Variants in ZNF518A observed in about 807,000 individuals in gnomAD.
ZNF518A encodes the protein zinc finger protein 518A, also known as zinc finger protein 518.
A neutral mutation model predicts 102.7 loss-of-function variants in ZNF518A; 47 were observed. The ratio of observed to expected loss-of-function variants is 0.46; its 90% CI spans 0.36 to 0.58. ZNF518A has a LOEUF of 0.58. Among genes scored for constraint, ZNF518A ranks in the 20% least tolerant of loss-of-function variants. The pLI, the probability that ZNF518A is intolerant of heterozygous loss-of-function variation, is 0.00. For missense variants in ZNF518A, 1,793 were observed against 1,699.8 expected, an observed-to-expected ratio of 1.05 and a Z score of -0.96; for synonymous variants, 652 against 594.6, an observed-to-expected ratio of 1.10 and a Z score of -1.40.
chr10:96,141,334 G>T (rs1390390798), intron 3 of ZNF518A, among the ~76,000 whole-genome samples: 5 of 152,190 alleles, frequency 3.3e-5, no homozygotes, highest in African/African-American at 1.2e-4. Flanking sequence ...AGTGTGTATT[G>T]TAAAAGGTTA....
intron 1 of ZNF518A, among the ~76,000 whole-genome samples, chr10:96,193,639 T>C (rs2083384247): frequency 1.3e-5 from 2 of 152,216 alleles, no homozygotes; most frequent in African/African-American, 4.8e-5. Context: ...TTTTTATTAA[T>C]TCAGTGTATT....
chr10:96,189,772 C>G lies in ZNF518A; in HGVS notation n.36-13802C>G. Reference sequence around the variant, plus strand: ...AAGTTTTACTTTTATTCTCTGGAATCTTGCTACCACCTCCAGGGACAGATC... The same window carrying G: ...AAGTTTTACTTTTATTCTCTGGAATGTTGCTACCACCTCCAGGGACAGATC... On this transcript the variant is annotated intron_variant and non_coding_transcript_variant, in intron 1 of 2. Transcript: ENST00000442635. 3.7e-6 allele frequency: 3 copies of G among 817,760 alleles called. 1 individual carries two copies. The highest frequency in any genetic ancestry group is 6.3e-6 in the Non-Finnish European group (3 of 473,794). The allele number at this position is 817,760 out of a possible 1,614,324, so 50.7% of individuals were successfully genotyped here.
chr10:96,164,314 C>T (rs910743448), downstream of ZNF518A, among the ~76,000 whole-genome samples: 1 of 152,184 alleles, frequency 6.6e-6, no homozygotes, highest in African/African-American at 2.4e-5. Context: ...CCATTTGGGG[C>T]GTTGGCTCTG....
chr10:96,188,170 T>C (rs2083284010), intron 1 of ZNF518A, among the ~76,000 whole-genome samples: 1 of 152,184 alleles, frequency 6.6e-6, no homozygotes, highest in Admixed American at 6.5e-5. Context: ...TTTTCTAATC[T>C]CATCAAGAAT....
chr10:96,154,578 G>T (rs1436589606), intron 3 of ZNF518A, among the ~76,000 whole-genome samples: 1 of 151,918 alleles, frequency 6.6e-6, no homozygotes, highest in Non-Finnish European at 1.5e-5. Context: ...TGCTCTGCTT[G>T]GCTAGTCATT....
intron 1 of ZNF518A, among the ~76,000 whole-genome samples, chr10:96,179,715 T>C (rs2083226988): frequency 6.6e-6 from 1 of 152,116 alleles, no homozygotes; most frequent in African/African-American, 2.4e-5. Flanking sequence ...AAATGTTCAC[T>C]GGTTGAATGA....
At chr10:96,140,874 G>A (rs991492833) in intron 3 of ZNF518A, among the ~76,000 whole-genome samples, 1 of 152,122 alleles carries the variant, frequency 6.6e-6, no homozygotes, top group African/African-American at 2.4e-5. Flanking sequence ...CCAGAAGGGC[G>A]AGGCTGTAAT....
chr10:96,170,341 C>T (rs2083166448), intron 1 of ZNF518A, among the ~76,000 whole-genome samples: 1 of 152,202 alleles, frequency 6.6e-6, no homozygotes, highest in Admixed American at 6.5e-5. Flanking sequence ...TCTGGACCAA[C>T]TCCAAGTTAG....
chr10:96,191,707 A>T (rs1591285206), intron 1 of ZNF518A: 2 of 321,494 alleles, frequency 6.2e-6, no homozygotes, highest in Admixed American at 4.6e-5. Flanking sequence ...ACTTATTTTT[A>T]AAAATAAAAA....
chr10:96,195,267 T>C (rs2083437193), intron 1 of ZNF518A, among the ~76,000 whole-genome samples: 1 of 152,092 alleles, frequency 6.6e-6, no homozygotes, highest in South Asian at 2.1e-4. Context: ...TCTCAAAAAA[T>C]TAAAAATAGA....
chr10:96,180,775 T>C (rs1290190094), intron 1 of ZNF518A, among the ~76,000 whole-genome samples: 1 of 152,244 alleles, frequency 6.6e-6, no homozygotes, highest in African/African-American at 2.4e-5. Flanking sequence ...TCCATGTCTT[T>C]GCTATTGTGA....
At chr10:96,153,353 A>G (rs1310323163) in intron 3 of ZNF518A, among the ~76,000 whole-genome samples, 1 of 152,240 alleles carries the variant, frequency 6.6e-6, no homozygotes, top group Non-Finnish European at 1.5e-5. Context: ...AGACAAACCC[A>G]GAAGTAATGT....
chr10:96,153,223 TTC>T (rs1230958032), intron 3 of ZNF518A, among the ~76,000 whole-genome samples: 1 of 152,196 alleles, frequency 6.6e-6, no homozygotes, highest in Non-Finnish European at 1.5e-5. Flanking sequence ...GGAAATCCTT[TTC>T]TCTCCTTTTT....
intron 3 of ZNF518A, among the ~76,000 whole-genome samples, chr10:96,134,935 A>G (rs902878512): frequency 1.3e-5 from 2 of 152,124 alleles, no homozygotes; most frequent in Admixed American, 6.5e-5. Flanking sequence ...GACATGTCAT[A>G]TATTGTTTTT....
At chr10:96,201,681 C>T (rs1554896188) in intron 1 of ZNF518A, among the ~76,000 whole-genome samples, 2 of 151,940 alleles carry the variant, frequency 1.3e-5, no homozygotes, top group Admixed American at 6.6e-5. Context: ...CATCAACTCC[C>T]TCAAAGAGTT....
chr10:96,150,742 C>CTTTTTTTTTTTTTTTTTT (rs1564759772), intron 3 of ZNF518A, among the ~76,000 whole-genome samples: 1 of 14,538 alleles, frequency 6.9e-5, no homozygotes, highest in African/African-American at 1.6e-4. Flanking sequence ...TTCTTTCTTT[C>CTTTTTTTTTTTTTTTTTT]CTTTTTTTTT....
At chr10:96,140,455 C>T (rs1277708386) in intron 3 of ZNF518A, among the ~76,000 whole-genome samples, 1 of 152,104 alleles carries the variant, frequency 6.6e-6, no homozygotes, top group African/African-American at 2.4e-5. Flanking sequence ...ATTTTCTTCC[C>T]TCCCCTCATG....
downstream of ZNF518A, among the ~76,000 whole-genome samples, chr10:96,164,926 C>T (rs897645562): frequency 2.0e-5 from 3 of 152,034 alleles, no homozygotes; most frequent in Admixed American, 6.5e-5. Context: ...ATGTTGCCTG[C>T]GATCATCAAT....
At chr10:96,153,936 GCTGT>G (rs2082572676) in intron 3 of ZNF518A, among the ~76,000 whole-genome samples, 1 of 152,120 alleles carries the variant, frequency 6.6e-6, no homozygotes, top group African/African-American at 2.4e-5. Context: ...AGAAGGAAAA[GCTGT>G]CTGTTATGTT....
Sources: allele counts gnomAD v4.1 joint callset (sites outside exome capture counted in the v4.1 genomes callset), GRCh38; gene constraint gnomAD v4.1.1; transcripts MANE v1.5; gene names NCBI Gene and HGNC (gene_info 2026-07-23, HGNC 2026-07-21).